The following APP variants were observed in gnomAD, a reference collection of about 807,000 sequenced individuals.
The protein encoded by APP is amyloid-beta precursor protein.
A neutral mutation model predicts 101.4 loss-of-function variants in APP; 31 were observed. The ratio of observed to expected loss-of-function variants is 0.31; its 90% confidence interval spans 0.23 to 0.41. The LOEUF is 0.41. Ranked by LOEUF, APP falls within the 10% of genes least tolerant of loss-of-function variation. The pLI is 1.00. For missense variants in APP, 839 were observed against 1,003.7 expected (o/e 0.84, Z 2.22); for synonymous variants, 366 against 364.4 (o/e 1.00, Z -0.05).
At chr21:26,127,288 G>A (rs191544929) in intron 1 of APP, among the ~76,000 whole-genome samples, 8 of 152,174 alleles carry the variant, frequency 5.3e-5, no homozygotes, top group Admixed American at 5.2e-4. Context: ...CCAAGACCAA[G>A]CAAGCCAGTC....
At chr21:25,955,143 A>G (rs2041260564) in intron 12 of APP, among the ~76,000 whole-genome samples, 1 of 152,114 alleles carries the variant, frequency 6.6e-6, no homozygotes, top group Admixed American at 6.5e-5. Context: ...TGCTATATAT[A>G]TTTAACTCTT....
chr21:26,008,976 CAG>C (rs1236738375), intron 6 of APP, among the ~76,000 whole-genome samples: 1 of 152,308 alleles, frequency 6.6e-6, no homozygotes, highest in African/African-American at 2.4e-5. Flanking sequence ...CATGGACCAG[CAG>C]AGTCAACACC....
intron 8 of APP, among the ~76,000 whole-genome samples, chr21:25,996,693 T>C (rs1344928976): frequency 6.6e-6 from 1 of 152,230 alleles, no homozygotes; most frequent in Non-Finnish European, 1.5e-5. Flanking sequence ...ACCTTCAGAA[T>C]TCTCCCTCAT....
chr21:25,906,010 G>A (rs1478734648), intron 14 of APP, among the ~76,000 whole-genome samples: 1 of 152,174 alleles, frequency 6.6e-6, no homozygotes, highest in Non-Finnish European at 1.5e-5. Context: ...AAGGGAAAAA[G>A]GTAAGACAAA....
intron 1 of APP, among the ~76,000 whole-genome samples, chr21:26,142,956 T>C (rs2063080329): frequency 6.6e-6 from 1 of 152,218 alleles, no homozygotes; most frequent in African/African-American, 2.4e-5. Flanking sequence ...ATAAGAAATT[T>C]TATAATCTTT....
chr21:25,932,845 A>G (rs2040205998), intron 13 of APP, among the ~76,000 whole-genome samples: 1 of 152,310 alleles, frequency 6.6e-6, no homozygotes, highest in African/African-American at 2.4e-5. Context: ...TTAAAAATGT[A>G]ACTACCTTTT....
chr21:26,081,652 T>C (rs543286563), intron 3 of APP, among the ~76,000 whole-genome samples: 1 of 152,340 alleles, frequency 6.6e-6, no homozygotes, highest in South Asian at 2.1e-4. Flanking sequence ...CTCAGAGGCC[T>C]GACAGTTACA....
chr21:26,021,815 G>A (rs201320052), intron 6 of APP, 25 bp downstream of exon 6: 9 of 1,610,592 alleles, frequency 5.6e-6, no homozygotes, highest in Non-Finnish European at 6.8e-6. Context: ...GGGGGTGGGG[G>A]GAATCCAAGC....
intron 16 of APP, among the ~76,000 whole-genome samples, chr21:25,893,544 T>C (rs1340053901): frequency 2.0e-5 from 3 of 152,170 alleles, no homozygotes; most frequent in East Asian, 3.8e-4. Flanking sequence ...GAGAAAACTT[T>C]TAGTTGTCTG....
intron 3 of APP, among the ~76,000 whole-genome samples, chr21:26,087,252 A>G (rs1421976594): frequency 1.3e-5 from 2 of 152,246 alleles, no homozygotes; most frequent in Non-Finnish European, 2.9e-5. Context: ...ATAACAAAGT[A>G]AGAGACAACA....
intron 2 of APP, among the ~76,000 whole-genome samples, chr21:26,094,401 C>G (rs1280811922): frequency 2.6e-5 from 4 of 151,820 alleles, no homozygotes; most frequent in Non-Finnish European, 4.4e-5. Flanking sequence ...ACTCCCAGCT[C>G]AGAAAGCAAA....
intron 8 of APP, among the ~76,000 whole-genome samples, chr21:25,995,457 G>A (rs551006767): frequency 0.075 from 8 of 106 alleles, no homozygotes; most frequent in South Asian, 0.2. Context: ...CGGCCAAAAC[G>A]TCATTTTGGG....
At chr21:25,938,574 G>A (rs1027583636) in intron 13 of APP, among the ~76,000 whole-genome samples, 7 of 152,096 alleles carry the variant, frequency 4.6e-5, no homozygotes, top group Non-Finnish European at 1.0e-4. Context: ...GGGGGAATAA[G>A]AAAAATGCAG....
At chr21:26,026,730 TG>T (rs1267780873) in intron 5 of APP, among the ~76,000 whole-genome samples, 1 of 152,184 alleles carries the variant, frequency 6.6e-6, no homozygotes, top group African/African-American at 2.4e-5. Context: ...ACAGAGGATT[TG>T]GGGGATAGTA....
intron 6 of APP, among the ~76,000 whole-genome samples, chr21:26,004,581 C>T (rs1277300196): frequency 6.6e-6 from 1 of 152,120 alleles, no homozygotes; most frequent in South Asian, 2.1e-4. Context: ...CGTGAGGCAC[C>T]GCGCCCGGCC....
At chr21:25,960,189 G>A (rs1195318171) in intron 11 of APP, among the ~76,000 whole-genome samples, 1 of 23,720 alleles carries the variant, frequency 4.2e-5, no homozygotes, top group East Asian at 1.2e-3. Context: ...CATGACAGAA[G>A]TGATTAACTT....
intron 17 of APP, among the ~76,000 whole-genome samples, chr21:25,891,431 AATC>A (rs2037688893): frequency 6.6e-6 from 1 of 152,218 alleles, no homozygotes; most frequent in Admixed American, 6.5e-5. Flanking sequence ...GTCTAAGAGT[AATC>A]ATGCTTTTTT....
At chr21:26,135,449 T>C (rs2062876092) in intron 1 of APP, among the ~76,000 whole-genome samples, 1 of 152,216 alleles carries the variant, frequency 6.6e-6, no homozygotes, top group African/African-American at 2.4e-5. Context: ...ACATACAAAA[T>C]ACAGAAGTTT....
intron 13 of APP, among the ~76,000 whole-genome samples, chr21:25,954,336 C>T (rs1368157535): frequency 6.6e-6 from 1 of 152,192 alleles, no homozygotes; most frequent in Non-Finnish European, 1.5e-5. Context: ...ACGTATAATT[C>T]AATAACAAGT....
Sources: allele counts gnomAD v4.1 joint callset (sites outside exome capture counted in the v4.1 genomes callset), GRCh38; gene constraint gnomAD v4.1.1; transcripts MANE v1.5; gene names NCBI Gene and HGNC (gene_info 2026-07-23, HGNC 2026-07-21).